CDH13: variants seen among roughly 807,000 people sequenced by gnomAD.
CDH13 encodes the protein cadherin-13.
Under a neutral mutation model 63.8 loss-of-function variants are expected in CDH13, and 24 were observed. That is an observed-to-expected ratio of 0.38 (90% CI 0.27 to 0.53). The LOEUF (loss-of-function observed/expected upper bound fraction) is 0.53. CDH13 is among the 20% of genes least tolerant of loss of function. The pLI is 0.85. For missense variants in CDH13, 1,049 were observed against 903.1 expected, an observed-to-expected ratio of 1.16 and a Z score of -2.07; for synonymous variants, 503 against 355.3, an observed-to-expected ratio of 1.42 and a Z score of -4.67.
chr16:82,890,809 G>A (rs958348455), intron 2 of CDH13, among the ~76,000 whole-genome samples: 13 of 152,004 alleles, frequency 8.6e-5, no homozygotes, highest in African/African-American at 2.7e-4. Context: ...GCACCACCAC[G>A]CCCAGCTAAT....
At chr16:83,593,919 G>T (rs1168402533) in intron 7 of CDH13, among the ~76,000 whole-genome samples, 1 of 152,162 alleles carries the variant, frequency 6.6e-6, no homozygotes, top group Non-Finnish European at 1.5e-5. Context: ...ATTATCTATT[G>T]CTGCATGAAA....
At chr16:83,179,481 T>TGAAAA (rs1555508652) in intron 4 of CDH13, among the ~76,000 whole-genome samples, 1 of 69,086 alleles carries the variant, frequency 1.4e-5, no homozygotes, top group African/African-American at 7.0e-5. Flanking sequence ...CCGTCTCTAC[T>TGAAAA]AAAAAAAAAA....
intron 7 of CDH13, among the ~76,000 whole-genome samples, chr16:83,544,418 C>T (rs1035189528): frequency 8.5e-5 from 13 of 152,088 alleles, no homozygotes; most frequent in Admixed American, 3.3e-4. Flanking sequence ...TGAAAATTAT[C>T]ATTAAGTCAA....
At chr16:83,459,259 A>T (rs550702142) in intron 6 of CDH13, among the ~76,000 whole-genome samples, 71 of 152,342 alleles carry the variant, frequency 4.7e-4, no homozygotes, top group African/African-American at 1.6e-3. Flanking sequence ...TTGACAAGAA[A>T]CCCATGTGGA....
chr16:83,473,724 C>G (rs1340579491), intron 6 of CDH13, among the ~76,000 whole-genome samples: 1 of 152,156 alleles, frequency 6.6e-6, no homozygotes, highest in East Asian at 1.9e-4. Context: ...TGTGAAATAT[C>G]TGACATGAGC....
At chr16:82,836,597 C>CT (rs1236885586) in intron 1 of CDH13, among the ~76,000 whole-genome samples, 1 of 152,116 alleles carries the variant, frequency 6.6e-6, no homozygotes, top group African/African-American at 2.4e-5. Context: ...TTCAGAAGAG[C>CT]ACAGATAAGT....
chr16:83,527,003 G>A (rs181299692), intron 7 of CDH13, among the ~76,000 whole-genome samples: 44 of 152,092 alleles, frequency 2.9e-4, no homozygotes, highest in African/African-American at 7.2e-4. Context: ...GTGGTGGTGC[G>A]CACCTGTAAT....
intron 2 of CDH13, among the ~76,000 whole-genome samples, chr16:82,927,903 T>C (rs1387741567): frequency 1.3e-5 from 2 of 152,212 alleles, no homozygotes; most frequent in Non-Finnish European, 2.9e-5. Flanking sequence ...TCTTGAACCC[T>C]TCTTAAATAG....
chr16:83,730,942 G>A (rs380665), intron 10 of CDH13, among the ~76,000 whole-genome samples: 79,996 of 152,060 alleles, frequency 0.53, 21,988 homozygotes, highest in Non-Finnish European at 0.62. Context: ...GTGCTAATTC[G>A]CTTAGGTTAA....
intron 1 of CDH13, among the ~76,000 whole-genome samples, chr16:82,698,083 C>T (rs2150986578): frequency 6.6e-6 from 1 of 152,254 alleles, no homozygotes; most frequent in East Asian, 1.9e-4. Context: ...TGAGTGGAGA[C>T]TCATGGAATT....
At chr16:83,237,633 C>A (rs1904275961) in intron 5 of CDH13, among the ~76,000 whole-genome samples, 1 of 152,198 alleles carries the variant, frequency 6.6e-6, no homozygotes, top group South Asian at 2.1e-4. Context: ...TTGAATGTCA[C>A]AGGTGAAAAC....
intron 12 of CDH13, among the ~76,000 whole-genome samples, 163 bp downstream of exon 12, chr16:83,780,364 T>C (rs117536860): frequency 0.014 from 2,161 of 152,312 alleles, 27 homozygotes; most frequent in South Asian, 0.038. Flanking sequence ...AACAAACAAA[T>C]GCAATTTATA....
chr16:83,209,171 C>T (rs192043351), intron 4 of CDH13, among the ~76,000 whole-genome samples: 1 of 152,274 alleles, frequency 6.6e-6, no homozygotes, highest in East Asian at 1.9e-4. Context: ...CCACAACCAC[C>T]TGTAAAAGGC....
At chr16:83,626,751 C>G (rs1317578588) in intron 8 of CDH13, among the ~76,000 whole-genome samples, 1 of 152,062 alleles carries the variant, frequency 6.6e-6, no homozygotes, top group Non-Finnish European at 1.5e-5. Flanking sequence ...GGAGCCATGA[C>G]CAAAAGCAGA....
chr16:83,144,027 C>A (rs548676678), intron 4 of CDH13, among the ~76,000 whole-genome samples: 1 of 152,100 alleles, frequency 6.6e-6, no homozygotes, highest in Non-Finnish European at 1.5e-5. Flanking sequence ...ACCCCTGGGC[C>A]CTGTTTGTTC....
chr16:82,975,058 T>C (rs534263267), intron 2 of CDH13, among the ~76,000 whole-genome samples: 13 of 152,184 alleles, frequency 8.5e-5, no homozygotes, highest in Non-Finnish European at 1.6e-4. Context: ...TCGGCATCAC[T>C]TGGCCCAACT....
intron 5 of CDH13, among the ~76,000 whole-genome samples, chr16:83,297,051 T>C (rs2089616960): frequency 6.6e-6 from 1 of 152,174 alleles, no homozygotes; most frequent in Non-Finnish European, 1.5e-5. Context: ...TCTGGAAGGC[T>C]GTGGATCTAT....
chr16:83,428,457 G>C (rs1271436491), intron 6 of CDH13, among the ~76,000 whole-genome samples: 1 of 151,442 alleles, frequency 6.6e-6, no homozygotes, highest in Non-Finnish European at 1.5e-5. Context: ...TAATTGTGTT[G>C]TCAAGTTAGA....
intron 1 of CDH13, among the ~76,000 whole-genome samples, chr16:82,708,860 G>T (rs1417082628): frequency 6.6e-6 from 1 of 152,158 alleles, no homozygotes; most frequent in African/African-American, 2.4e-5. Flanking sequence ...ACTCTGTGGA[G>T]CTGACCAGCA....
Sources: allele counts gnomAD v4.1 joint callset (sites outside exome capture counted in the v4.1 genomes callset), GRCh38; gene constraint gnomAD v4.1.1; transcripts MANE v1.5; gene names NCBI Gene and HGNC (gene_info 2026-07-23, HGNC 2026-07-21).